ZNF385D: variants seen among roughly 807,000 people sequenced by gnomAD.
The protein encoded by ZNF385D is zinc finger protein 659.
ZNF385D carries 15 observed loss-of-function variants against 35.8 expected under a neutral mutation model. The ratio of observed to expected loss-of-function variants is 0.42; its 90% confidence interval spans 0.28 to 0.64. The LOEUF (loss-of-function observed/expected upper bound fraction) is 0.64. Ranked by LOEUF, ZNF385D falls within the 30% of genes least tolerant of loss-of-function variation. ZNF385D has a pLI of 0.23. For synonymous variants in ZNF385D, 212 were observed against 186.8 expected (o/e 1.13, Z -1.10); for missense variants, 474 against 494.6 (o/e 0.96, Z 0.39).
chr3:22,036,215 C>G (rs1051095068), intron 3 of ZNF385D, among the ~76,000 whole-genome samples: 3 of 152,142 alleles, frequency 2.0e-5, no homozygotes, highest in African/African-American at 7.2e-5. Flanking sequence ...GGTGAAGGTA[C>G]TCAATTCTTC....
intron 2 of ZNF385D, among the ~76,000 whole-genome samples, chr3:22,228,471 G>C (rs898230127): frequency 1.3e-5 from 2 of 152,186 alleles, no homozygotes; most frequent in African/African-American, 4.8e-5. Flanking sequence ...TTTGGCTCCT[G>C]TGGATGGATA....
At chr3:21,609,337 TC>T (rs1311851307) in intron 2 of ZNF385D, among the ~76,000 whole-genome samples, 1 of 152,186 alleles carries the variant, frequency 6.6e-6, no homozygotes, top group Non-Finnish European at 1.5e-5. Flanking sequence ...GGCCTTTCAT[TC>T]CAGAATCACT....
chr3:22,024,958 A>G (rs965288125), intron 3 of ZNF385D, among the ~76,000 whole-genome samples: 2 of 152,140 alleles, frequency 1.3e-5, no homozygotes, highest in Admixed American at 1.3e-4. Flanking sequence ...AAATAGACAC[A>G]AGCTCTTATC....
chr3:21,572,002 C>G (rs1023428151), intron 2 of ZNF385D, among the ~76,000 whole-genome samples: 1 of 152,098 alleles, frequency 6.6e-6, no homozygotes, highest in South Asian at 2.1e-4. Flanking sequence ...TTGACTGAAT[C>G]GCAGGGCACA....
At position 21,768,761 on chromosome 3, in the gene ZNF385D, C is replaced by G. The variant is rs73140865; in HGVS notation, c.326-103733G>C. ...GCTGTTGTACTTCCCTCCATTGTTACGAACCCACCGTCCCCCATTGAAATG... is the reference window on the plus strand; with the variant it reads ...GCTGTTGTACTTCCCTCCATTGTTAGGAACCCACCGTCCCCCATTGAAATG... On this transcript the variant is annotated intron_variant, in intron 3 of 5. Transcript: ENST00000494108. Among the ~76,000 whole-genome samples, 863 of 152,038 alleles carry G rather than the reference C, an allele frequency of 5.7e-3. 14 individuals are homozygous for G. Among genetic ancestry groups the G allele is most frequent in the African/African-American group, 0.019 (809 of 41,508 alleles).
rs1244374780 is a variant in ZNF385D, at chr3:22,146,836, G to A, written c.325+21981C>T. Among the ~76,000 whole-genome samples the A allele has an allele frequency of 3.3e-5, 5 of 152,162 alleles. 1 individual carries two copies. In the East Asian group the frequency reaches 7.7e-4, roughly 24 times the overall value. On this transcript the variant is annotated intron_variant, in intron 3 of 5. Transcript: ENST00000494108. The stretch of plus-strand genomic sequence containing the variant: ...TTGATGATACTCTTATGAAAATAAG[G>A]GAATCTGTAAGCCAATGTGTCTAAA...
chr3:21,888,460 G>T (rs1698667865), intron 3 of ZNF385D, among the ~76,000 whole-genome samples: 1 of 152,120 alleles, frequency 6.6e-6, no homozygotes, highest in South Asian at 2.1e-4. Flanking sequence ...AGGGGTCAGG[G>T]ATTTCTCGTG....
At chr3:22,132,828 A>C (rs1703879784) in intron 3 of ZNF385D, among the ~76,000 whole-genome samples, 1 of 152,086 alleles carries the variant, frequency 6.6e-6, no homozygotes, top group Admixed American at 6.6e-5. Flanking sequence ...CTGAAATTCT[A>C]AAAAATATAT....
rs191023713 is a variant in ZNF385D, at chr3:21,889,582, A to G, written c.326-224554T>C. ...ATCAAATAGGACTTTATTGCCCCTT[A>G]ACTTTCTTCAGAAAAAAAACTGGGG... On this transcript the variant is annotated intron_variant, in intron 3 of 5. Coordinates refer to the ZNF385D transcript ENST00000494108. Among the ~76,000 whole-genome samples, 213 of 152,258 alleles carry G rather than the reference A, an allele frequency of 1.4e-3. 1 individual carries two copies. The highest frequency in any genetic ancestry group is 5.0e-3 in the African/African-American group (208 of 41,550).
chr3:22,168,848 T>G (rs890203396), exon 3 of ZNF385D: 4 of 985,876 alleles, frequency 4.1e-6, no homozygotes, highest in Non-Finnish European at 4.8e-6. Flanking sequence ...CATTGCTGAG[T>G]TGTTTTAATC....
chr3:21,572,830 A>T (rs2063374040), intron 2 of ZNF385D, among the ~76,000 whole-genome samples: 1 of 152,192 alleles, frequency 6.6e-6, no homozygotes, highest in Admixed American at 6.5e-5. Flanking sequence ...AAAGCTTTAT[A>T]TTAGAAGAAA....
rs377127504 is a variant in ZNF385D at position 22,240,747 on chromosome 3, T to C, written c.107-71712A>G. On this transcript the variant is annotated intron_variant, in intron 2 of 5. Coordinates refer to the ZNF385D transcript ENST00000494108. ...CACGTCAAACATTGTGTAATTGTAATTGTACTTGTATATGTCTCCAGACTA... is the reference window on the plus strand; with the variant it reads ...CACGTCAAACATTGTGTAATTGTAACTGTACTTGTATATGTCTCCAGACTA... 6.0e-5 allele frequency among the ~76,000 whole-genome samples: 9 copies of C among 150,956 alleles called. No individual in the cohort carries two copies. In the East Asian group the frequency reaches 7.8e-4, roughly 13 times the overall value.
At chr3:21,828,447 G>A (rs1490243600) in intron 3 of ZNF385D, among the ~76,000 whole-genome samples, 2 of 151,982 alleles carry the variant, frequency 1.3e-5, no homozygotes, top group Non-Finnish European at 2.9e-5. Flanking sequence ...TGGGGGGAGG[G>A]GATTTTGTAG....
At chr3:22,094,743 A>G (rs1701524129) in intron 3 of ZNF385D, among the ~76,000 whole-genome samples, 1 of 152,028 alleles carries the variant, frequency 6.6e-6, no homozygotes, top group African/African-American at 2.4e-5. Context: ...CCACACTGGG[A>G]AATGTGTGAT....
intron 3 of ZNF385D, among the ~76,000 whole-genome samples, chr3:21,892,267 TG>T (rs1312956159): frequency 1.3e-5 from 2 of 152,194 alleles, no homozygotes; most frequent in African/African-American, 4.8e-5. Context: ...GCCTCTATAG[TG>T]CACAGCTTTG....
chr3:22,359,100 C>CA (rs144020479), intron 2 of ZNF385D, among the ~76,000 whole-genome samples: 49,238 of 146,886 alleles, frequency 0.34, 8,897 homozygotes, highest in African/African-American at 0.46. Flanking sequence ...AAACAAGAAA[C>CA]AAAAAAAACA....
intron 3 of ZNF385D, among the ~76,000 whole-genome samples, chr3:21,864,062 C>G (rs1464261858): frequency 1.3e-5 from 2 of 152,028 alleles, no homozygotes; most frequent in South Asian, 2.1e-4. Flanking sequence ...AAAGGAAGAT[C>G]CAGGTAAGGA....
At chr3:22,214,048 T>C (rs562416348) in intron 2 of ZNF385D, among the ~76,000 whole-genome samples, 29 of 152,202 alleles carry the variant, frequency 1.9e-4, no homozygotes, top group Non-Finnish European at 4.0e-4. Context: ...GACAATGCTA[T>C]GTGTTGCTGG....
At chr3:22,310,032 G>C (rs76198570) in intron 2 of ZNF385D, among the ~76,000 whole-genome samples, 2,260 of 152,042 alleles carry the variant, frequency 0.015, 23 homozygotes, top group African/African-American at 0.024. Flanking sequence ...ATTTACATTG[G>C]GATGAGGATT....
Sources: gnomAD v4.1 joint callset for allele counts (sites outside exome capture counted in the v4.1 genomes callset) on GRCh38, gnomAD v4.1.1 for gene constraint, MANE v1.5 for transcripts, NCBI Gene and HGNC (gene_info 2026-07-23, HGNC 2026-07-21) for gene names.